Variants in C4orf54 observed in about 807,000 individuals in gnomAD.
C4orf54 encodes uncharacterized protein C4orf54.
C4orf54 carries 67 observed loss-of-function variants against 80.1 expected under a neutral mutation model. The ratio of observed to expected loss-of-function variants is 0.84; its 90% CI spans 0.69 to 1.03. The LOEUF (loss-of-function observed/expected upper bound fraction) is 1.03, where lower values mean the gene tolerates loss of function less well. Among genes scored for constraint, C4orf54 ranks in the 50% least tolerant of loss-of-function variants. The pLI, the probability that C4orf54 is intolerant of heterozygous loss-of-function variation, is 0.00. For missense variants in C4orf54, 2,434 were observed against 2,253.5 expected, an observed-to-expected ratio of 1.08 and a Z score of -1.62; for synonymous variants, 1,000 against 917.0, an observed-to-expected ratio of 1.09 and a Z score of -1.64.
At position 99,652,271 on chromosome 4, in the gene C4orf54, C is replaced by T. The variant is rs1726855833; in HGVS notation, c.2378G>A (p.Gly793Asp). ...YTDDGSETSE[G>D]SKPTSRADGP... is the part of the protein sequence containing the mutation. ...ATCGGCGCGGGAGGTGGGCTTGCTGCCCTCGGAGGTCTCGGAGCCGTCGTC... is the reference window on the plus strand; with the variant it reads ...ATCGGCGCGGGAGGTGGGCTTGCTGTCCTCGGAGGTCTCGGAGCCGTCGTC... Residue 793 changes from glycine to aspartate, a missense_variant, in exon 2 of 3, where the codon GGC (glycine) becomes GAC (aspartate). By Grantham distance (94) the Gly-to-Asp change is moderately conservative. Transcript: ENST00000511828. 6 of 1,535,932 alleles carry T rather than the reference C, an allele frequency of 3.9e-6. No individual in the cohort carries two copies. The highest frequency in any genetic ancestry group is 5.2e-6 in the Non-Finnish European group (6 of 1,146,814).
Position 99,653,292 on chromosome 4 carries a change from C to T in C4orf54, c.1357G>A (p.Ala453Thr), listed in dbSNP as rs1726895062. ...CCACTGCGGCCTGCATTGGGGCGGG[C>T]CAGGTCGCTGCTTGTAGGGCTGGGC... is the stretch of plus-strand genomic sequence containing the variant. ...RTPSPTSSDL[A>T]RPNAGRSGRD... Residue 453 changes from alanine (A) to threonine (T), a missense_variant, in exon 2 of 3, where the codon GCC (alanine) becomes ACC (threonine). By Grantham distance (58) the Ala-to-Thr change is moderately conservative. Coordinates refer to ENST00000511828, the MANE Select transcript of C4orf54 (RefSeq NM_001354435.2). The T allele has an allele frequency of 6.5e-7, 1 of 1,530,542 alleles. No individual in the cohort carries two copies. The highest frequency in any genetic ancestry group is 1.2e-5 in the South Asian group (1 of 83,210). The allele number at this position is 1,530,542 out of a possible 1,614,324, so 94.8% of individuals were successfully genotyped here.
Position 99,653,155 on chromosome 4 carries a change from C to G in C4orf54, c.1494G>C (p.Pro498=), listed in dbSNP as rs555671992. ...APLTEPLPET[P]EAASGAAAAA... is the part of the protein sequence containing the mutation. ...CGGCTGCTGCCCCTGAAGCTGCCTCCGGGGTCTCAGGCAAGGGCTCAGTCA... is the reference window on the plus strand; with the variant it reads ...CGGCTGCTGCCCCTGAAGCTGCCTCGGGGGTCTCAGGCAAGGGCTCAGTCA... The change falls in exon 2 of 3, where the codon CCG becomes CCC. Residue 498 remains proline, a synonymous_variant. Transcript: ENST00000511828. The G allele has an allele frequency of 2.0e-6, 3 of 1,536,064 alleles. No individual in the cohort carries two copies. The highest frequency in any genetic ancestry group is 2.7e-5 in the African/African-American group (2 of 73,040).
rs553492403 is a variant in C4orf54 at position 99,651,505 on chromosome 4, C to T, written c.3144G>A (p.Leu1048=). ...TGCCACCGGCCAGCTTGGGCGTGAG[C>T]AACTTGGCAATGTTGAAGTCTGAGC... ...QPSSDFNIAK[L]LTPKLAGGSA... is the part of the protein sequence containing the mutation. Residue 1048 remains leucine, a synonymous_variant, in exon 2 of 3, where the codon TTG becomes TTA. Coordinates refer to ENST00000511828, the MANE Select transcript of C4orf54 (RefSeq NM_001354435.2). The T allele has an allele frequency of 1.6e-5, 24 of 1,536,216 alleles. No individual in the cohort carries two copies. In the South Asian group the frequency reaches 2.7e-4, roughly 18 times the overall value.
At position 99,649,703 on chromosome 4, in the gene C4orf54, G is replaced by A. The variant is rs1383918230; in HGVS notation, c.4946C>T (p.Thr1649Ile). 4.6e-6 allele frequency: 7 copies of A among 1,536,064 alleles called. No homozygotes were observed. The highest frequency in any genetic ancestry group is 2.0e-5 in the Admixed American group (1 of 50,988). Reference protein sequence around the residue: ...ETGQYVDVPMTSQQQAVAPMS... With the variant: ...ETGQYVDVPMISQQQAVAPMS... ...GGGAGCCACAGCCTGCTGCTGGGAG[G>A]TCATGGGCACATCCACATACTGCCC... The change falls in exon 2 of 3, where the codon ACC (threonine) becomes ATC (isoleucine). Residue 1649 changes from threonine to isoleucine, a missense_variant. By Grantham distance (89) the Thr-to-Ile change is moderately conservative. Transcript: ENST00000511828.
At position 99,651,810 on chromosome 4, in the gene C4orf54, A is replaced by G; in HGVS notation, c.2839T>C (p.Trp947Arg). ...CTCTTCTCGGCCTCTTTCTCCTTCC[A>G]TGACCGGAACGCACTGTTCTGACTA... ...LRSQNSAFRS[W>R]KEKEAEKREE... Residue 947 changes from tryptophan (W) to arginine (R), a missense_variant, in exon 2 of 3, where the codon TGG (tryptophan) becomes CGG (arginine). Trp to Arg is a moderately radical substitution (Grantham distance 101). Coordinates refer to ENST00000511828, the MANE Select transcript of C4orf54 (RefSeq NM_001354435.2). 2 of 1,535,920 alleles carry G rather than the reference A, an allele frequency of 1.3e-6. No homozygotes were observed. The highest frequency in any genetic ancestry group is 1.7e-6 in the Non-Finnish European group (2 of 1,146,866).
rs1013657692 is a variant in C4orf54, at chr4:99,650,487, G to C, written c.4162C>G (p.Leu1388Val). ...TTCCGGTTGCTGGGGAGTGGTGGGA[G>C]GGGCTGCAGGGGTTGGGTTCTCTCT... ...DVERTQPLQP[L>V]PPLPSNRNVF... Residue 1388 changes from leucine to valine, a missense_variant, in exon 2 of 3, where the codon CTC becomes GTC. Physicochemically the swap from Leu to Val is conservative, Grantham distance 32. Coordinates refer to ENST00000511828, the MANE Select transcript of C4orf54 (RefSeq NM_001354435.2). The C allele has an allele frequency of 1.3e-6, 2 of 1,536,050 alleles. No homozygotes were observed. Among genetic ancestry groups the C allele is most frequent in the African/African-American group, 2.7e-5 (2 of 73,050 alleles).
Position 99,652,357 on chromosome 4 carries a change from C to T in C4orf54, c.2292G>A (p.Ser764=), listed in dbSNP as rs1726859685. 12 of 1,535,822 alleles carry T rather than the reference C, an allele frequency of 7.8e-6. 1 individual carries two copies. Among genetic ancestry groups the T allele is most frequent in the Non-Finnish European group, 7.8e-6 (9 of 1,146,860 alleles). ...TGGTGGCCCTGCCGGGCCCAGGGGC[C>T]GAGCTGGCTTTGCTCTCACTGCGTA... ...LNVRSESKAS[S]APGPGRATKG... Residue 764 remains serine (S), a synonymous_variant, in exon 2 of 3, where the codon TCG becomes TCA. Transcript: ENST00000511828.
intron 2 of C4orf54, among the ~76,000 whole-genome samples, chr4:99,645,410 T>TAAAAAAAAAAAAA (rs70958324): frequency 8.9e-5 from 5 of 55,866 alleles, no homozygotes; most frequent in East Asian, 5.1e-4. Context: ...AGGCTTACAG[T>TAAAAAAAAAAAAA]AAAAAAAAAA....
chr4:99,649,892 G>A lies in C4orf54; in HGVS notation c.4757C>T (p.Ala1586Val), dbSNP rs1474673907. ...GGGAGCTGAGGCTGCAGGTGCTGGG[G>A]CAGGCATGCTGGGTGGGGAGAAGCA... The part of the protein sequence containing the change: ...VLCFSPPSMP[A>V]PAPAASAPVP... Residue 1586 changes from alanine (A) to valine (V), a missense_variant, in exon 2 of 3, where the codon GCC becomes GTC. By Grantham distance (64) the Ala-to-Val change is moderately conservative. Coordinates refer to ENST00000511828, the MANE Select transcript of C4orf54 (RefSeq NM_001354435.2). The A allele has an allele frequency of 6.5e-7, 1 of 1,529,852 alleles. No individual in the cohort carries two copies. Among genetic ancestry groups the A allele is most frequent in the Non-Finnish European group, 8.8e-7 (1 of 1,141,920 alleles). 94.8% of individuals were successfully genotyped at this position (1,529,852 alleles called of 1,614,324 possible). A position where few individuals can be genotyped will look rare whatever the true frequency, so the allele number is the denominator to read the frequency against.
rs1189270096 is a variant in C4orf54 at position 99,637,634 on chromosome 4, T to C, written c.*3599A>G. The C allele has an allele frequency of 6.6e-6, 1 of 152,206 alleles. No homozygotes were observed. The highest frequency in any genetic ancestry group is 1.5e-5 in the Non-Finnish European group (1 of 68,034). The allele number at this position is 152,206 out of a possible 1,614,324, so 9.4% of individuals were successfully genotyped here. A position where few individuals can be genotyped will look rare whatever the true frequency, so the allele number is the denominator to read the frequency against. The stretch of plus-strand genomic sequence containing the variant: ...AAATTATGTGAAAGCCTAACATATT[T>C]TGTGAATTTGATTTTTATAAGCAGT... On this transcript the variant is annotated 3_prime_UTR_variant, in exon 3 of 3. Transcript: ENST00000511828.
Position 99,651,685 on chromosome 4 carries a change from A to C in C4orf54, c.2964T>G (p.Ser988=). Residue 988 remains serine, a synonymous_variant, in exon 2 of 3, where the codon TCT becomes TCG. Transcript: ENST00000511828. ...EISASKNTIM[S]RLFVPNIQQT... The stretch of plus-strand genomic sequence containing the variant: ...GCTGGATGTTGGGGACAAAGAGGCG[A>C]GACATGATGGTGTTCTTGCTGGCAG... 1.3e-6 allele frequency: 2 copies of C among 1,535,950 alleles called. No homozygotes were observed. The highest frequency in any genetic ancestry group is 2.4e-5 in the South Asian group (2 of 84,044).
At chr4:99,647,921 G>C (rs1451190723) in intron 2 of C4orf54, among the ~76,000 whole-genome samples, 2 of 152,160 alleles carry the variant, frequency 1.3e-5, no homozygotes, top group African/African-American at 4.8e-5. Flanking sequence ...ACTCCCGAAT[G>C]AAGGCTCTTT....
Position 99,651,033 on chromosome 4 carries a change from T to C in C4orf54, c.3616A>G (p.Ile1206Val), listed in dbSNP as rs1726811676. ...CCCTGCTCGGGCTTATTGGGGGCAA[T>C]GGTAGCCACAGGCAGCCTGCCAGAT... Reference protein sequence around the residue: ...RASGRLPVATIAPNKPEQGSY... With the variant: ...RASGRLPVATVAPNKPEQGSY... Residue 1206 changes from isoleucine to valine, a missense_variant, in exon 2 of 3, where the codon ATT (isoleucine) becomes GTT (valine). Ile to Val is a conservative substitution (Grantham distance 29, BLOSUM62 3). Transcript: ENST00000511828. 1 of 1,536,116 alleles carries C rather than the reference T, an allele frequency of 6.5e-7. No individual in the cohort carries two copies. Among genetic ancestry groups the C allele is most frequent in the African/African-American group, 1.4e-5 (1 of 73,166 alleles).
intron 1 of C4orf54, among the ~76,000 whole-genome samples, chr4:99,655,886 T>C (rs148388231): frequency 1.2e-4 from 18 of 152,290 alleles, no homozygotes; most frequent in African/African-American, 4.1e-4. Flanking sequence ...AATAACACCA[T>C]CAACCATCCC....
At position 99,657,520 on chromosome 4, in the gene C4orf54, T is replaced by A. The variant is rs1218535356; in HGVS notation, c.-57A>T. 6.6e-6 allele frequency among the ~76,000 whole-genome samples: 1 copy of A among 152,234 alleles called. No homozygotes were observed. The highest frequency in any genetic ancestry group is 2.4e-5 in the African/African-American group (1 of 41,458). On this transcript the variant is annotated 5_prime_UTR_variant, in exon 1 of 3. Transcript: ENST00000511828. ...CTCCAAAGTATCTGTGTGGCTCCTT[T>A]ACTGCTTTCTAGCTAAATGAATGCC... is the stretch of plus-strand genomic sequence containing the variant.
Position 99,651,732 on chromosome 4 carries a change from G to T in C4orf54, c.2917C>A (p.Arg973=), listed in dbSNP as rs748287726. 1.1e-5 allele frequency: 17 copies of T among 1,535,930 alleles called. No homozygotes were observed. Among genetic ancestry groups the T allele is most frequent in the Non-Finnish European group, 1.4e-5 (16 of 1,146,898 alleles). The change falls in exon 2 of 3, where the codon CGG becomes AGG. Residue 973 remains arginine (R), a synonymous_variant. Transcript: ENST00000511828. ...KLKLPKGGDW[R]ADLGEISASK... Reference sequence around the variant, plus strand: ...GCAGAAATCTCCCCGAGATCAGCCCGCCAGTCGCCTCCTTTGGGCAGCTTC... The same window carrying T: ...GCAGAAATCTCCCCGAGATCAGCCCTCCAGTCGCCTCCTTTGGGCAGCTTC...
At position 99,643,786 on chromosome 4, in the gene C4orf54, ACACACACC is replaced by A. The variant is rs796116559; in HGVS notation, c.*37-2598_*37-2591del. ...CACACACACACACACACACACACACACACACACCCCCTCCGCGGCAGTAAAACGGCCAG... is the reference window on the plus strand; with the variant it reads ...CACACACACACACACACACACACACACCCTCCGCGGCAGTAAAACGGCCAG... On this transcript the variant is annotated intron_variant, in intron 2 of 2. Transcript: ENST00000511828. Among the ~76,000 whole-genome samples the A allele has an allele frequency of 2.5e-3, 274 of 108,070 alleles. 3 individuals carry two copies. The highest frequency in any genetic ancestry group is 7.8e-3 in the African/African-American group (188 of 24,224). The allele number at this position is 108,070 out of a possible 152,430, so 70.9% of individuals were successfully genotyped here.
chr4:99,650,611 G>T lies in C4orf54; in HGVS notation c.4038C>A (p.Asn1346Lys). The T allele has an allele frequency of 6.5e-7, 1 of 1,536,072 alleles. No homozygotes were observed. The highest frequency in any genetic ancestry group is 2.4e-5 in the East Asian group (1 of 40,894). ...PIERLQRRNS[N>K]PSAESVSARA... is the part of the protein sequence containing the mutation. ...TGGCAGACACACTCTCAGCGCTGGG[G>T]TTGGAGTTTCTCCGCTGCAGACGTT... The change falls in exon 2 of 3, where the codon AAC (asparagine) becomes AAA (lysine). Residue 1346 changes from asparagine (N) to lysine (K), a missense_variant. Asn to Lys is a moderately conservative substitution (Grantham distance 94). Transcript: ENST00000511828.
In C4orf54 at chr4:99,653,458, G is replaced by C; in HGVS notation, c.1191C>G (p.Asn397Lys). The C allele has an allele frequency of 6.5e-7, 1 of 1,536,164 alleles. No individual in the cohort carries two copies. The highest frequency in any genetic ancestry group is 2.0e-5 in the Admixed American group (1 of 50,996). ...GLASRWDFED[N>K]NVIYSFVDYA... Reference sequence around the variant, plus strand: ...AATCCACGAACGAGTAGATCACGTTGTTGTCCTCGAAATCCCAGCGGGAGG... The same window carrying C: ...AATCCACGAACGAGTAGATCACGTTCTTGTCCTCGAAATCCCAGCGGGAGG... The change falls in exon 2 of 3, where the codon AAC (asparagine) becomes AAG (lysine). Residue 397 changes from asparagine to lysine, a missense_variant. By Grantham distance (94) the Asn-to-Lys change is moderately conservative. Coordinates refer to ENST00000511828, the MANE Select transcript of C4orf54 (RefSeq NM_001354435.2).
Sources: allele counts gnomAD v4.1 joint callset (sites outside exome capture counted in the v4.1 genomes callset), GRCh38; gene constraint gnomAD v4.1.1; transcripts MANE v1.5; gene names NCBI Gene and HGNC (gene_info 2026-07-23, HGNC 2026-07-21).